The following CACNA1A variants were observed in gnomAD, a reference collection of about 807,000 sequenced individuals.
CACNA1A encodes the protein calcium voltage-gated channel subunit alpha1 A, also known as voltage-dependent P/Q-type calcium channel subunit alpha-1A.
CACNA1A carries 57 observed loss-of-function variants against 262.4 expected under a neutral mutation model. That is an observed-to-expected ratio of 0.22 (90% CI 0.18 to 0.27). The LOEUF is 0.27. Ranked by LOEUF, CACNA1A falls within the 10% of genes least tolerant of loss-of-function variation. CACNA1A has a pLI of 1.00. For missense variants in CACNA1A, 2,526 were observed against 3,562.8 expected (o/e 0.71, Z 7.41); for synonymous variants, 1,431 against 1,419.3 (o/e 1.01, Z -0.18).
At chr19:13,321,893 A>T (rs2058261498) in intron 10 of CACNA1A, among the ~76,000 whole-genome samples, 1 of 152,130 alleles carries the variant, frequency 6.6e-6, no homozygotes, top group Non-Finnish European at 1.5e-5. Context: ...TTTACAAAAA[A>T]AAATTTACAA....
intron 1 of CACNA1A, among the ~76,000 whole-genome samples, chr19:13,476,311 C>T (rs1041112876): frequency 9.2e-5 from 14 of 152,144 alleles, no homozygotes; most frequent in Admixed American, 5.2e-4. Flanking sequence ...GCCACCCTCC[C>T]GGCCAGCAGG....
chr19:13,376,324 G>A (rs566437284), intron 3 of CACNA1A, among the ~76,000 whole-genome samples: 1 of 152,252 alleles, frequency 6.6e-6, no homozygotes, highest in South Asian at 2.1e-4. Context: ...TCAAAGGACA[G>A]GCTGACTCTC....
At chr19:13,500,020 T>C (rs1287232222) in intron 1 of CACNA1A, among the ~76,000 whole-genome samples, 1 of 152,172 alleles carries the variant, frequency 6.6e-6, no homozygotes, top group African/African-American at 2.4e-5. Context: ...TCCAAGTCCC[T>C]GAAGAAAGAC....
intron 4 of CACNA1A, among the ~76,000 whole-genome samples, chr19:13,370,529 G>T (rs1224526234): frequency 1.3e-5 from 2 of 151,868 alleles, no homozygotes; most frequent in Non-Finnish European, 2.9e-5. Context: ...CCTGGGCTCA[G>T]ATCCTCCTGC....
At position 13,386,626 on chromosome 19, in the gene CACNA1A, T is replaced by TA. The variant is rs894994060; in HGVS notation, c.540-14848dup. The stretch of plus-strand genomic sequence containing the variant: ...CAATATGGTGAAACCCTATCTCTAC[T>TA]AAAAAAAATACAAAAAATTAGCCGG... On this transcript the variant is annotated intron_variant, in intron 3 of 46. Coordinates refer to ENST00000360228, the MANE Select transcript of CACNA1A (RefSeq NM_001127222.2). Among the ~76,000 whole-genome samples, 33 of 151,574 alleles carry TA rather than the reference T, an allele frequency of 2.2e-4. 1 individual carries two copies. Among genetic ancestry groups the TA allele is most frequent in the African/African-American group, 2.9e-4 (12 of 41,338 alleles).
At chr19:13,502,871 T>C (rs991128550) in intron 1 of CACNA1A, among the ~76,000 whole-genome samples, 1 of 152,148 alleles carries the variant, frequency 6.6e-6, no homozygotes, top group Non-Finnish European at 1.5e-5. Context: ...GAAGTAGCAC[T>C]CTTAGGCCCT....
At chr19:13,494,178 G>C (rs1981229782) in intron 1 of CACNA1A, among the ~76,000 whole-genome samples, 1 of 152,212 alleles carries the variant, frequency 6.6e-6, no homozygotes, top group African/African-American at 2.4e-5. Context: ...TAGTGGCATG[G>C]AAATGTGTTC....
chr19:13,271,226 T>TTTTTG, intron 24 of CACNA1A: 1 of 142,550 alleles, frequency 7.0e-6, no homozygotes, highest in African/African-American at 2.6e-5. Context: ...TTTTTTTTTT[T>TTTTTG]TTTTTTTTTT....
intron 3 of CACNA1A, among the ~76,000 whole-genome samples, chr19:13,433,297 A>C (rs1326972174): frequency 6.6e-6 from 1 of 150,498 alleles, no homozygotes; most frequent in African/African-American, 2.4e-5. Context: ...TGTCTCAAAA[A>C]AAAAAAAAAA....
Position 13,208,877 on chromosome 19 carries a change from GGATGGTGGT to G in CACNA1A, c.6650_6658del (p.His2217_His2219del), listed in dbSNP as rs776181081. On this transcript the variant is annotated inframe_deletion, in exon 46 of 47. Transcript: ENST00000360228. ...ATAGCGGTCCTTGTCGGGGGGCGGG[GGATGGTGGT>G]GGTGGTGGTGGTGGTGGTGGTGCTG... 3.5e-4 allele frequency: 516 copies of G among 1,459,904 alleles called. 1 individual carries two copies. The highest frequency in any genetic ancestry group is 3.2e-4 in the East Asian group (12 of 37,986). The allele number at this position is 1,459,904 out of a possible 1,614,324, so 90.4% of individuals were successfully genotyped here. A position where few individuals can be genotyped will look rare whatever the true frequency, so the allele number is the denominator to read the frequency against.
intron 19 of CACNA1A, among the ~76,000 whole-genome samples, chr19:13,292,716 A>G (rs138273740): frequency 7.9e-5 from 12 of 152,338 alleles, no homozygotes; most frequent in African/African-American, 2.6e-4. Flanking sequence ...TGTACAAGGC[A>G]GACCTCCGAA....
In CACNA1A at chr19:13,454,798, G is replaced by GA. The variant is rs573401355; in HGVS notation, c.399+308dup. Among the ~76,000 whole-genome samples, 100 of 152,098 alleles carry GA rather than the reference G, an allele frequency of 6.6e-4. 1 individual carries two copies. The highest frequency in any genetic ancestry group is 2.4e-3 in the African/African-American group (99 of 41,512). On this transcript the variant is annotated intron_variant, in intron 2 of 46. Coordinates refer to ENST00000360228, the MANE Select transcript of CACNA1A (RefSeq NM_001127222.2). ...TGAGATCCCCATCTCTACAAAAAAA[G>GA]ATAAAAATAAGAAAATTAACTGGGC...
chr19:13,399,035 CT>C (rs1196553564), intron 3 of CACNA1A, among the ~76,000 whole-genome samples: 1 of 152,264 alleles, frequency 6.6e-6, no homozygotes, highest in East Asian at 1.9e-4. Flanking sequence ...GTTTCTTGTC[CT>C]GACCTCAGAC....
chr19:13,485,834 A>C (rs1259910894), intron 1 of CACNA1A, among the ~76,000 whole-genome samples: 1 of 152,174 alleles, frequency 6.6e-6, no homozygotes, highest in African/African-American at 2.4e-5. Context: ...AAAATGTACA[A>C]ATCTTAGTAT....
chr19:13,490,740 G>GAGA (rs1180983251), intron 1 of CACNA1A, among the ~76,000 whole-genome samples: 5 of 128,278 alleles, frequency 3.9e-5, no homozygotes, highest in African/African-American at 1.5e-4. Flanking sequence ...AAAGAGAAAA[G>GAGA]AAAGAAAGAA....
chr19:13,477,508 TGGA>T (rs1978692457), intron 1 of CACNA1A, among the ~76,000 whole-genome samples: 1 of 152,182 alleles, frequency 6.6e-6, no homozygotes, highest in Non-Finnish European at 1.5e-5. Context: ...GCCCATTTTA[TGGA>T]GGAGGAAAAC....
chr19:13,465,954 T>C (rs1485475702), intron 1 of CACNA1A, among the ~76,000 whole-genome samples: 1 of 152,112 alleles, frequency 6.6e-6, no homozygotes, highest in African/African-American at 2.4e-5. Flanking sequence ...AATAGGTAAA[T>C]CCATAGAGAC....
At chr19:13,325,030 T>C (rs1204250410) in intron 10 of CACNA1A, among the ~76,000 whole-genome samples, 2 of 151,832 alleles carry the variant, frequency 1.3e-5, no homozygotes, top group African/African-American at 4.8e-5. Flanking sequence ...TTCGTCTTCT[T>C]CTTCCTCTTC....
intron 3 of CACNA1A, among the ~76,000 whole-genome samples, chr19:13,385,595 G>A (rs571253725): frequency 7.9e-5 from 12 of 152,170 alleles, no homozygotes; most frequent in Non-Finnish European, 1.8e-4. Context: ...CCAGTCTCAT[G>A]AGATCCTACT....
Sources: gnomAD v4.1 joint callset for allele counts (sites outside exome capture counted in the v4.1 genomes callset) on GRCh38, gnomAD v4.1.1 for gene constraint, MANE v1.5 for transcripts, NCBI Gene and HGNC (gene_info 2026-07-23, HGNC 2026-07-21) for gene names.